The following ITFG1 variants were observed in gnomAD, a reference collection of about 807,000 sequenced individuals.
ITFG1 encodes the protein integrin alpha FG-GAP repeat containing 1.
A neutral mutation model predicts 81.8 loss-of-function variants in ITFG1; 34 were observed. The ratio of observed to expected loss-of-function variants is 0.42; its 90% CI spans 0.32 to 0.55. The LOEUF is 0.55. Among genes scored for constraint, ITFG1 ranks in the 20% least tolerant of loss-of-function variants. The pLI, the probability that ITFG1 is intolerant of heterozygous loss-of-function variation, is 0.17. For synonymous variants in ITFG1, 285 were observed against 270.6 expected, an observed-to-expected ratio of 1.05 and a Z score of -0.52; for missense variants, 672 against 755.4, an observed-to-expected ratio of 0.89 and a Z score of 1.29.
chr16:47,372,053 C>T (rs1968262515), intron 7 of ITFG1, among the ~76,000 whole-genome samples: 2 of 152,062 alleles, frequency 1.3e-5, no homozygotes, highest in Admixed American at 6.6e-5. Context: ...GCTGGGACTA[C>T]AGGCGCCCGC....
chr16:47,213,419 A>T (rs1263967891), intron 14 of ITFG1, among the ~76,000 whole-genome samples: 2 of 152,102 alleles, frequency 1.3e-5, no homozygotes, highest in Non-Finnish European at 2.9e-5. Flanking sequence ...TGTCTACTAG[A>T]TCCTGTTGGT....
chr16:47,295,521 T>C (rs1174630057), intron 10 of ITFG1, among the ~76,000 whole-genome samples: 3 of 152,240 alleles, frequency 2.0e-5, no homozygotes, highest in Non-Finnish European at 4.4e-5. Context: ...TCAACATTTA[T>C]ATTTCTTCCT....
intron 14 of ITFG1, among the ~76,000 whole-genome samples, chr16:47,201,004 A>G (rs561676803): frequency 6.6e-6 from 1 of 152,342 alleles, no homozygotes; most frequent in Non-Finnish European, 1.5e-5. Flanking sequence ...GATAATAACA[A>G]TGGACATCAG....
rs1964874029 is a variant in ITFG1 at position 47,165,184 on chromosome 16, G to A, written c.1454-2520C>T. Among the ~76,000 whole-genome samples, 6 of 152,160 alleles carry A rather than the reference G, an allele frequency of 3.9e-5. No homozygotes were observed. In the South Asian group the frequency reaches 1.0e-3, roughly 26 times the overall value. On this transcript the variant is annotated intron_variant, in intron 14 of 17. Coordinates refer to ENST00000320640, the MANE Select transcript of ITFG1 (RefSeq NM_030790.5). ...GTATTTTCTAGGTATTTTTCTACAT[G>A]CTTAAACTTAACATTTAAATGACAA...
At chr16:47,334,287 G>A (rs560195984) in intron 8 of ITFG1, among the ~76,000 whole-genome samples, 4 of 152,056 alleles carry the variant, frequency 2.6e-5, no homozygotes, top group Non-Finnish European at 5.9e-5. Flanking sequence ...AGTTAGCTGG[G>A]TGTGCTGGTG....
chr16:47,158,198 G>A (rs1964745004), intron 17 of ITFG1, among the ~76,000 whole-genome samples: 1 of 152,156 alleles, frequency 6.6e-6, no homozygotes, highest in Non-Finnish European at 1.5e-5. Flanking sequence ...GGGCTCAGGT[G>A]ATTCTCCGAC....
chr16:47,327,264 C>T (rs992451336), intron 8 of ITFG1, among the ~76,000 whole-genome samples: 7 of 152,170 alleles, frequency 4.6e-5, no homozygotes, highest in African/African-American at 1.7e-4. Flanking sequence ...GGAAAACTGG[C>T]TAGCCATATA....
At chr16:47,404,923 A>G (rs1426827561) in intron 6 of ITFG1, among the ~76,000 whole-genome samples, 1 of 151,856 alleles carries the variant, frequency 6.6e-6, no homozygotes, top group African/African-American at 2.4e-5. Flanking sequence ...GGCCTTTCTT[A>G]TTTTTGATTT....
intron 12 of ITFG1, among the ~76,000 whole-genome samples, chr16:47,245,349 CA>C (rs113161127): frequency 2.8e-3 from 394 of 140,948 alleles, no homozygotes; most frequent in East Asian, 6.7e-3. Flanking sequence ...AACTCTGTCT[CA>C]AAAAAAAAAA....
chr16:47,168,086 C>T (rs1964915933), intron 14 of ITFG1, among the ~76,000 whole-genome samples: 1 of 152,232 alleles, frequency 6.6e-6, no homozygotes, highest in Non-Finnish European at 1.5e-5. Flanking sequence ...GCCTTGCTGA[C>T]ATGTCATTTT....
intron 6 of ITFG1, among the ~76,000 whole-genome samples, chr16:47,426,695 T>A (rs1215770394): frequency 1.3e-5 from 2 of 151,866 alleles, no homozygotes; most frequent in Admixed American, 6.6e-5. Flanking sequence ...CACAGTGTAT[T>A]TGGGCACTAA....
intron 10 of ITFG1, among the ~76,000 whole-genome samples, chr16:47,284,413 C>G (rs1479346040): frequency 6.6e-6 from 1 of 152,002 alleles, no homozygotes; most frequent in Non-Finnish European, 1.5e-5. Flanking sequence ...TATATAGTAG[C>G]CTTACAAAAC....
chr16:47,385,066 G>A (rs1596948366), intron 6 of ITFG1, among the ~76,000 whole-genome samples: 1 of 152,374 alleles, frequency 6.6e-6, no homozygotes, highest in Non-Finnish European at 1.5e-5. Flanking sequence ...GGGCTTCACT[G>A]AGGAAGTGAC....
At chr16:47,445,630 T>C (rs1294168339) in intron 5 of ITFG1, among the ~76,000 whole-genome samples, 1 of 152,208 alleles carries the variant, frequency 6.6e-6, no homozygotes, top group Admixed American at 6.5e-5. Flanking sequence ...GTAGAGTCTA[T>C]CATCTACTAA....
chr16:47,390,499 C>T (rs1275158398), intron 6 of ITFG1, among the ~76,000 whole-genome samples: 1 of 152,144 alleles, frequency 6.6e-6, no homozygotes, highest in African/African-American at 2.4e-5. Flanking sequence ...TACTCTGTCG[C>T]CCAGGCTGGA....
chr16:47,390,522 G>A (rs1033627593), intron 6 of ITFG1, among the ~76,000 whole-genome samples: 1 of 152,040 alleles, frequency 6.6e-6, no homozygotes, highest in African/African-American at 2.4e-5. Flanking sequence ...GCAGTGGTGC[G>A]ATCTCGGTTC....
chr16:47,288,488 C>A (rs1283314604), intron 10 of ITFG1, among the ~76,000 whole-genome samples: 1 of 152,096 alleles, frequency 6.6e-6, no homozygotes, highest in African/African-American at 2.4e-5. Flanking sequence ...TATGATAGTT[C>A]TATTTTTTAT....
At chr16:47,365,396 G>T (rs1426963140) in intron 8 of ITFG1, among the ~76,000 whole-genome samples, 2 of 146,280 alleles carry the variant, frequency 1.4e-5, no homozygotes, top group Non-Finnish European at 2.9e-5. Context: ...AAATTAAGTT[G>T]TAATAAAAAT....
chr16:47,201,216 T>C (rs1356691972), intron 14 of ITFG1, among the ~76,000 whole-genome samples: 1 of 151,646 alleles, frequency 6.6e-6, no homozygotes, highest in African/African-American at 2.4e-5. Flanking sequence ...AATTTTTTTT[T>C]TTTTTTTTTT....
Sources: allele counts gnomAD v4.1 joint callset (sites outside exome capture counted in the v4.1 genomes callset), GRCh38; gene constraint gnomAD v4.1.1; transcripts MANE v1.5; gene names NCBI Gene and HGNC (gene_info 2026-07-23, HGNC 2026-07-21).